The following CSGALNACT1 variants were observed in gnomAD, a reference collection of about 807,000 sequenced individuals.
CSGALNACT1 encodes beta4GalNAcT-1.
A neutral mutation model predicts 51.0 loss-of-function variants in CSGALNACT1; 52 were observed. The ratio of observed to expected loss-of-function variants is 1.02; its 90% CI spans 0.82 to 1.29. The LOEUF (loss-of-function observed/expected upper bound fraction) is 1.29, where lower values mean the gene tolerates loss of function less well. Ranked by LOEUF, CSGALNACT1 falls within the 50% of genes most tolerant of loss-of-function variation. CSGALNACT1 has a pLI of 0.00. For missense variants in CSGALNACT1, 935 were observed against 679.2 expected (o/e 1.38, Z -4.19); for synonymous variants, 341 against 254.4 (o/e 1.34, Z -3.24).
At chr8:19,725,924 C>T (rs1015110423) in intron 1 of CSGALNACT1, among the ~76,000 whole-genome samples, 2 of 152,162 alleles carry the variant, frequency 1.3e-5, no homozygotes, top group African/African-American at 4.8e-5. Flanking sequence ...GTCCATAATT[C>T]AGGCTTCACT....
At chr8:19,506,010 G>C in exon 4 of CSGALNACT1, 1 of 735,748 alleles carries the variant, frequency 1.4e-6, no homozygotes, top group Non-Finnish European at 2.4e-6. Context: ...ACACAGAGCA[G>C]CTTCTCTACT....
At chr8:19,747,831 GA>G (rs1451632776) in intron 1 of CSGALNACT1, among the ~76,000 whole-genome samples, 2 of 151,290 alleles carry the variant, frequency 1.3e-5, no homozygotes, top group Admixed American at 1.3e-4. Context: ...AAAAAGAAAA[GA>G]AAAAAAGAAA....
At chr8:19,667,314 C>A (rs2059460118) in intron 1 of CSGALNACT1, among the ~76,000 whole-genome samples, 1 of 151,488 alleles carries the variant, frequency 6.6e-6, no homozygotes, top group South Asian at 2.1e-4. Context: ...ACATGCCCCT[C>A]ATTCCAGCTA....
intron 2 of CSGALNACT1, among the ~76,000 whole-genome samples, chr8:19,597,904 G>A (rs1350948035): frequency 2.6e-5 from 4 of 152,216 alleles, no homozygotes; most frequent in Non-Finnish European, 4.4e-5. Flanking sequence ...CATCTAACCA[G>A]TAAATAATTA....
chr8:19,505,878 G>C (rs1374887914), exon 4 of CSGALNACT1: 4 of 1,601,864 alleles, frequency 2.5e-6, no homozygotes, highest in South Asian at 1.1e-5. Flanking sequence ...ATCCCTCAAA[G>C]CCGGGGCCCC....
intron 1 of CSGALNACT1, among the ~76,000 whole-genome samples, chr8:19,616,659 AGT>A: frequency 6.6e-6 from 1 of 152,040 alleles, no homozygotes; most frequent in Non-Finnish European, 1.5e-5. Flanking sequence ...GTTGTTTAAA[AGT>A]GTGTGGTACC....
In CSGALNACT1 at chr8:19,566,089, A is replaced by G. The variant is rs113656719; in HGVS notation, c.-297+25071T>C. On this transcript the variant is annotated intron_variant, in intron 3 of 9. Transcript: ENST00000454498. Reference sequence around the variant, plus strand: ...TAATCCATAAAACCTTTTGTCTTCTATGGCAAAAAGAGTGAATATTACCTT... The same window carrying G: ...TAATCCATAAAACCTTTTGTCTTCTGTGGCAAAAAGAGTGAATATTACCTT... 4.1e-3 allele frequency among the ~76,000 whole-genome samples: 624 copies of G among 152,354 alleles called. 3 individuals carry two copies. The highest frequency in any genetic ancestry group is 0.014 in the African/African-American group (596 of 41,580).
chr8:19,511,555 T>G (rs149418956), intron 3 of CSGALNACT1, among the ~76,000 whole-genome samples: 2,974 of 152,282 alleles, frequency 0.02, 30 homozygotes, highest in Middle Eastern at 0.048. Flanking sequence ...ACATATGGCT[T>G]CATTTAGAAT....
intron 3 of CSGALNACT1, among the ~76,000 whole-genome samples, chr8:19,542,394 C>T (rs1045268943): frequency 4.6e-5 from 7 of 152,106 alleles, no homozygotes; most frequent in African/African-American, 1.7e-4. Context: ...ACAGTATTAG[C>T]GGCAAAGGAA....
At chr8:19,691,583 C>G (rs544818963) in intron 1 of CSGALNACT1, among the ~76,000 whole-genome samples, 13 of 152,146 alleles carry the variant, frequency 8.5e-5, no homozygotes, top group Non-Finnish European at 1.6e-4. Flanking sequence ...GCTCCACAGC[C>G]CTGACGATAA....
intron 4 of CSGALNACT1, 86 bp from the exon 4 acceptor site, chr8:19,458,728 C>A: frequency 7.9e-7 from 1 of 1,258,654 alleles, no homozygotes; most frequent in African/African-American, 1.5e-5. Flanking sequence ...GCACAGAATG[C>A]CTTTAAAAAG....
At chr8:19,728,112 C>A (rs1162797463) in intron 1 of CSGALNACT1, among the ~76,000 whole-genome samples, 1 of 152,122 alleles carries the variant, frequency 6.6e-6, no homozygotes, top group Non-Finnish European at 1.5e-5. Flanking sequence ...CACTTACCAG[C>A]AGCATGACCT....
At chr8:19,415,680 G>C (rs2056728930) in intron 8 of CSGALNACT1, among the ~76,000 whole-genome samples, 1 of 152,086 alleles carries the variant, frequency 6.6e-6, no homozygotes, top group Non-Finnish European at 1.5e-5. Flanking sequence ...AAGCAAATAA[G>C]GTCTTTATGA....
upstream of CSGALNACT1, among the ~76,000 whole-genome samples, chr8:19,602,990 A>G (rs779800252): frequency 2.7e-4 from 41 of 151,188 alleles, no homozygotes; most frequent in Admixed American, 2.0e-3. Flanking sequence ...ATATATATAC[A>G]TACATACACA....
At chr8:19,422,834 G>A (rs189586280) in intron 6 of CSGALNACT1, among the ~76,000 whole-genome samples, 2 of 152,274 alleles carry the variant, frequency 1.3e-5, no homozygotes, top group Non-Finnish European at 2.9e-5. Flanking sequence ...TTACCCATGG[G>A]AGATGCCTGG....
intron 1 of CSGALNACT1, among the ~76,000 whole-genome samples, chr8:19,690,003 A>G (rs1286348482): frequency 6.6e-6 from 1 of 152,252 alleles, no homozygotes; most frequent in Admixed American, 6.5e-5. Flanking sequence ...TTCATGAATC[A>G]CTAATCATTA....
intron 3 of CSGALNACT1, among the ~76,000 whole-genome samples, chr8:19,530,315 C>A (rs1373699487): frequency 1.7e-5 from 1 of 57,876 alleles, no homozygotes; most frequent in Non-Finnish European, 3.6e-5. Context: ...TACACATACA[C>A]ACACACACAC....
At chr8:19,634,801 A>G (rs1025206506) in intron 1 of CSGALNACT1, among the ~76,000 whole-genome samples, 1 of 152,220 alleles carries the variant, frequency 6.6e-6, no homozygotes, top group East Asian at 1.9e-4. Flanking sequence ...TTCATCTTGG[A>G]CTTCCAGCCT....
intron 3 of CSGALNACT1, among the ~76,000 whole-genome samples, chr8:19,529,841 T>C (rs2082394095): frequency 6.6e-6 from 1 of 152,222 alleles, no homozygotes; most frequent in African/African-American, 2.4e-5. Flanking sequence ...TTATTTATAA[T>C]AACCTAACAC....
Sources: allele counts gnomAD v4.1 joint callset (sites outside exome capture counted in the v4.1 genomes callset), GRCh38; gene constraint gnomAD v4.1.1; transcripts MANE v1.5; gene names NCBI Gene and HGNC (gene_info 2026-07-23, HGNC 2026-07-21).